PAX4: variants seen among roughly 807,000 people sequenced by gnomAD.
PAX4 encodes the protein paired box protein Pax-4.
In PAX4, 33 loss-of-function variants were observed where a neutral mutation model predicts 40.6. The ratio of observed to expected loss-of-function variants is 0.81; its 90% CI spans 0.62 to 1.09. PAX4 has a LOEUF of 1.09. Ranked by LOEUF, PAX4 falls within the 50% of genes least tolerant of loss-of-function variation. The probability of loss-of-function intolerance (pLI) is 0.00; values close to 1 mark genes in which losing one functional copy is unlikely to be tolerated. For synonymous variants in PAX4, 174 were observed against 170.6 expected (o/e 1.02, Z -0.16); for missense variants, 459 against 442.5 (o/e 1.04, Z -0.33).
At position 127,614,478 on chromosome 7, in the gene PAX4, C is replaced by A; in HGVS notation, c.436+4G>T. The A allele has an allele frequency of 6.3e-7, 1 of 1,590,516 alleles. No individual in the cohort carries two copies. Among genetic ancestry groups the A allele is most frequent in the South Asian group, 1.1e-5 (1 of 87,206 alleles). Reference sequence around the variant, plus strand: ...TTAGCCCTGGGGACAACTCCAAGACCCACCTGGTGACCTGAGCCGTGTGCA... The same window carrying A: ...TTAGCCCTGGGGACAACTCCAAGACACACCTGGTGACCTGAGCCGTGTGCA... On this transcript the variant is annotated splice_donor_region_variant and intron_variant, in intron 6 of 11. Coordinates refer to ENST00000639438, the MANE Select transcript of PAX4 (RefSeq NM_001366110.1).
Position 127,615,442 on chromosome 7 carries a change from C to T in PAX4, c.103G>A (p.Val35Ile). ...DTRQQIVRLA[V>I]SGMRPCDISR... The stretch of plus-strand genomic sequence containing the variant: ...ATGTCACAGGGCCGCATTCCACTGA[C>T]TGCTAGCCGCACAATCTGCTGCCGG... The change falls in exon 4 of 12, where the codon GTC becomes ATC. Residue 35 changes from valine (V) to isoleucine (I), a missense_variant. Physicochemically the swap from Val to Ile is conservative, Grantham distance 29. Transcript: ENST00000639438. 2 of 1,614,242 alleles carry T rather than the reference C, an allele frequency of 1.2e-6. No homozygotes were observed. Among genetic ancestry groups the T allele is most frequent in the Non-Finnish European group, 1.7e-6 (2 of 1,180,040 alleles).
Position 127,617,789 on chromosome 7 carries a change from C to T in PAX4, c.-226+173G>A, listed in dbSNP as rs1345377012. 3.9e-5 allele frequency among the ~76,000 whole-genome samples: 6 copies of T among 152,096 alleles called. No homozygotes were observed. In the East Asian group the frequency reaches 1.2e-3, roughly 29 times the overall value. ...CACACATTCCCAACATTCATATTAACATGTCTGAAAAAATAACTGGTGCTT... is the reference window on the plus strand; with the variant it reads ...CACACATTCCCAACATTCATATTAATATGTCTGAAAAAATAACTGGTGCTT... On this transcript the variant is annotated intron_variant, in intron 1 of 11. Coordinates refer to ENST00000639438, the MANE Select transcript of PAX4 (RefSeq NM_001366110.1).
intron 5 of PAX4, 23 bp downstream of exon 5, chr7:127,614,857 T>G: frequency 6.2e-7 from 1 of 1,611,550 alleles, no homozygotes; most frequent in Non-Finnish European, 8.5e-7. Flanking sequence ...CCAGCCCCAG[T>G]GTGGGGAGGG....
chr7:127,612,334 G>T, intron 9 of PAX4, among the ~76,000 whole-genome samples: 1 of 152,096 alleles, frequency 6.6e-6, no homozygotes, highest in Non-Finnish European at 1.5e-5. Flanking sequence ...TGGATGCACA[G>T]ATTAATGGAA....
intron 9 of PAX4, among the ~76,000 whole-genome samples, chr7:127,612,382 G>A (rs1794642245): frequency 6.6e-6 from 1 of 151,832 alleles, no homozygotes; most frequent in African/African-American, 2.4e-5. Context: ...TGCATGGGTG[G>A]CTGGATGGAT....
At position 127,614,860 on chromosome 7, in the gene PAX4, G is replaced by A; in HGVS notation, c.360+20C>T. 1 of 1,612,356 alleles carries A rather than the reference G, an allele frequency of 6.2e-7. No individual in the cohort carries two copies. The highest frequency in any genetic ancestry group is 8.5e-7 in the Non-Finnish European group (1 of 1,179,162). ...AAAGCCTCTTTTCCAGCCCCAGTGT[G>A]GGGAGGGAAGGGTACTTACACTGGG... On this transcript the variant is annotated intron_variant, in intron 5 of 11. Transcript: ENST00000639438.
chr7:127,610,609 T>TAC lies in PAX4; in HGVS notation c.*454_*455insGT. ...CACGCATACATAATACACATATAGA[T>TAC]GCATACATAGAGTAGGTAAATTGAT... On this transcript the variant is annotated 3_prime_UTR_variant, in exon 12 of 12. Coordinates refer to ENST00000639438, the MANE Select transcript of PAX4 (RefSeq NM_001366110.1). The TAC allele has an allele frequency of 1.8e-6, 1 of 541,030 alleles. No homozygotes were observed. The highest frequency in any genetic ancestry group is 1.9e-5 in the African/African-American group (1 of 52,490). 33.5% of individuals were successfully genotyped at this position (541,030 alleles called of 1,614,324 possible). A position where few individuals can be genotyped will look rare whatever the true frequency, so the allele number is the denominator to read the frequency against.
Position 127,612,051 on chromosome 7 carries a change from G to A in PAX4, c.716-51C>T, listed in dbSNP as rs139470303. The A allele has an allele frequency of 8.9e-3, 13,939 of 1,572,170 alleles. 96 individuals carry two copies. The highest frequency in any genetic ancestry group is 0.01 in the Non-Finnish European group (11,799 of 1,145,388). ...AGAAGGAGGAATTGGGGTTAGGGACGGGAGGAGTGTGGTGAGAGGCAGGAA... is the reference window on the plus strand; with the variant it reads ...AGAAGGAGGAATTGGGGTTAGGGACAGGAGGAGTGTGGTGAGAGGCAGGAA... On this transcript the variant is annotated intron_variant, in intron 9 of 11. Transcript: ENST00000639438.
intron 11 of PAX4, 66 bp downstream of exon 11, chr7:127,611,469 C>T: frequency 1.7e-5 from 27 of 1,610,872 alleles, no homozygotes; most frequent in Non-Finnish European, 2.2e-5. Context: ...TCCATGCCCT[C>T]CTGGAGGTTG....
At chr7:127,617,754 A>G (rs923843150) in intron 1 of PAX4, among the ~76,000 whole-genome samples, 8 of 152,352 alleles carry the variant, frequency 5.3e-5, no homozygotes, top group East Asian at 1.9e-4. Context: ...CCCATTCCCA[A>G]TAGCCACAAC....
In PAX4 at chr7:127,610,589, A is replaced by ATACG. The variant is rs1164166722; in HGVS notation, c.*474_*475insCGTA. Reference sequence around the variant, plus strand: ...TGTGTGTGCGCGCACGCATGCACGCATACATAATACACATATAGATGCATA... The same window carrying ATACG: ...TGTGTGTGCGCGCACGCATGCACGCATACGTACATAATACACATATAGATGCATA... On this transcript the variant is annotated 3_prime_UTR_variant, in exon 12 of 12. Transcript: ENST00000639438. The ATACG allele has an allele frequency of 4.0e-6, 2 of 499,088 alleles. No individual in the cohort carries two copies. Among genetic ancestry groups the ATACG allele is most frequent in the Non-Finnish European group, 7.3e-6 (2 of 275,094 alleles). The allele number at this position is 499,088 out of a possible 1,614,324, so 30.9% of individuals were successfully genotyped here. A position where few individuals can be genotyped will look rare whatever the true frequency, so the allele number is the denominator to read the frequency against.
intron 3 of PAX4, 128 bp from the exon 4 acceptor site, chr7:127,615,659 T>A: frequency 3.8e-6 from 6 of 1,573,124 alleles, no homozygotes; most frequent in Non-Finnish European, 5.1e-6. Flanking sequence ...GGAGACTGCA[T>A]CCTTGCTGCC....
At chr7:127,614,797 C>A in intron 5 of PAX4, 83 bp downstream of exon 5, 2 of 1,541,744 alleles carry the variant, frequency 1.3e-6, no homozygotes, top group Non-Finnish European at 1.8e-6. Flanking sequence ...TTGGGATGCC[C>A]ACATTGCCAA....
intron 11 of PAX4, 56 bp downstream of exon 11, chr7:127,611,479 G>A (rs776380848): frequency 3.3e-5 from 53 of 1,611,666 alleles, no homozygotes; most frequent in Non-Finnish European, 4.2e-5. Context: ...CCTGGAGGTT[G>A]AGTCAGTCGA....
At chr7:127,615,835 C>G in intron 3 of PAX4, 81 bp downstream of exon 3, 2 of 1,533,700 alleles carry the variant, frequency 1.3e-6, no homozygotes, top group Non-Finnish European at 1.7e-6. Flanking sequence ...GCAGATGAAA[C>G]AGTTGATGGA....
intron 9 of PAX4, among the ~76,000 whole-genome samples, 174 bp from the exon 10 acceptor site, chr7:127,612,174 G>C (rs557793305): frequency 6.2e-4 from 94 of 152,334 alleles, no homozygotes; most frequent in Non-Finnish European, 1.1e-3. Flanking sequence ...CCCCAAGACA[G>C]GTCCTTGGGA....
At position 127,614,527 on chromosome 7, in the gene PAX4, A is replaced by G. The variant is rs1182720493; in HGVS notation, c.391T>C (p.Leu131=). 2 of 1,596,744 alleles carry G rather than the reference A, an allele frequency of 1.3e-6. No homozygotes were observed. The highest frequency in any genetic ancestry group is 1.7e-6 in the Non-Finnish European group (2 of 1,171,274). ...VSSINRVLRA[L]QEDQGLPCTR... is the part of the protein sequence containing the mutation. ...CACGGTAGTCCCTGGTCCTCCTGTA[A>G]TGCCCGCAGGACTCGGTTGATGGAG... The change falls in exon 6 of 12, where the codon TTA becomes CTA. Residue 131 remains leucine (L), a synonymous_variant. Transcript: ENST00000639438.
chr7:127,611,860 G>A (rs1794631382), intron 10 of PAX4, 85 bp downstream of exon 10: 1 of 1,603,396 alleles, frequency 6.2e-7, no homozygotes, highest in African/African-American at 1.3e-5. Context: ...TGGAGAGCCG[G>A]AGATCCTGGC....
chr7:127,616,745 C>T (rs902184386), intron 2 of PAX4, among the ~76,000 whole-genome samples: 3 of 152,202 alleles, frequency 2.0e-5, no homozygotes, highest in South Asian at 4.1e-4. Flanking sequence ...ATTTCAGAGA[C>T]GATGTTTCTG....
Sources: allele counts gnomAD v4.1 joint callset (sites outside exome capture counted in the v4.1 genomes callset), GRCh38; gene constraint gnomAD v4.1.1; transcripts MANE v1.5; gene names NCBI Gene and HGNC (gene_info 2026-07-23, HGNC 2026-07-21).